The following PDCD6IP variants were observed in gnomAD, a reference collection of about 807,000 sequenced individuals.
The protein encoded by PDCD6IP is programmed cell death 6-interacting protein.
Under a neutral mutation model 103.7 loss-of-function variants are expected in PDCD6IP, and 43 were observed. The observed-to-expected ratio is 0.41, with a 90% CI of 0.32 to 0.53. The LOEUF is 0.53. PDCD6IP is among the 20% of genes least tolerant of loss of function. PDCD6IP has a pLI of 0.16. For missense variants in PDCD6IP, 871 were observed against 1,036.7 expected, an observed-to-expected ratio of 0.84 and a Z score of 2.20; for synonymous variants, 354 against 378.7, an observed-to-expected ratio of 0.93 and a Z score of 0.76.
At chr3:33,813,672 A>G (rs1387249075) in intron 3 of PDCD6IP, 44 bp downstream of exon 3, 1 of 1,086,030 alleles carries the variant, frequency 9.2e-7, no homozygotes, top group African/African-American at 1.6e-5. Flanking sequence ...TGGTCTAACT[A>G]CTTTGCATTG....
chr3:33,799,413 A>C (rs918648784), intron 1 of PDCD6IP: 1 of 154,946 alleles, frequency 6.5e-6, no homozygotes, highest in South Asian at 2.0e-4. Flanking sequence ...AGCTCATCAC[A>C]TTGTCCACAT....
intron 12 of PDCD6IP, among the ~76,000 whole-genome samples, chr3:33,846,534 C>T (rs368833650): frequency 6.6e-6 from 1 of 152,168 alleles, no homozygotes; most frequent in Admixed American, 6.5e-5. Context: ...AAGTATGTTA[C>T]GAGGATTTAG....
At chr3:33,859,198 A>G (rs1697895552) in intron 15 of PDCD6IP, among the ~76,000 whole-genome samples, 1 of 152,206 alleles carries the variant, frequency 6.6e-6, no homozygotes. Context: ...TTTAGAAAAT[A>G]AAAGTTATCT....
At position 33,852,665 on chromosome 3, in the gene PDCD6IP, G is replaced by C. The variant is rs1222177556; in HGVS notation, c.1819G>C (p.Val607Leu). The C allele has an allele frequency of 2.5e-6, 4 of 1,595,112 alleles. No individual in the cohort carries two copies. The highest frequency in any genetic ancestry group is 1.8e-5 in the Admixed American group (1 of 54,442). The change falls in exon 13 of 18, where the codon GTC (valine) becomes CTC (leucine). Residue 607 changes from valine to leucine, a missense_variant. Coordinates refer to ENST00000307296, the MANE Select transcript of PDCD6IP (RefSeq NM_013374.6). Reference sequence around the variant, plus strand: ...TCTTTCTGTTACTGAACTAGATCGAGTCTATGGAGGTCTTACAACTAAAGT... The same window carrying C: ...TCTTTCTGTTACTGAACTAGATCGACTCTATGGAGGTCTTACAACTAAAGT... ...EALSVTELDR[V>L]YGGLTTKVQE... is the part of the protein sequence containing the mutation.
intron 13 of PDCD6IP, 145 bp downstream of exon 13, chr3:33,852,881 A>G: frequency 2.8e-6 from 3 of 1,053,774 alleles, no homozygotes; most frequent in African/African-American, 3.3e-5. Context: ...ATTTTGTAAA[A>G]TTAAACTTGG....
rs1697748210 is a variant in PDCD6IP at position 33,852,822 on chromosome 3, A to G, written c.1890+86A>G. On this transcript the variant is annotated intron_variant, in intron 13 of 17. Transcript: ENST00000307296. ...ACTAAACCTATATTCAGTTAGGAAA[A>G]TGACATTGGAGAATATCTGTAGTTA... The G allele has an allele frequency of 7.1e-6, 10 of 1,413,070 alleles. No individual in the cohort carries two copies. In the African/African-American group the frequency reaches 1.0e-4, roughly 15 times the overall value. The allele number at this position is 1,413,070 out of a possible 1,614,324, so 87.5% of individuals were successfully genotyped here.
rs1461371495 is a variant in PDCD6IP at position 33,798,951 on chromosome 3, T to TG, written c.209+17dup. The TG allele has an allele frequency of 6.6e-7, 1 of 1,516,562 alleles. No individual in the cohort carries two copies. Among genetic ancestry groups the TG allele is most frequent in the Non-Finnish European group, 8.9e-7 (1 of 1,123,360 alleles). 93.9% of individuals were successfully genotyped at this position (1,516,562 alleles called of 1,614,324 possible). A position where few individuals can be genotyped will look rare whatever the true frequency, so the allele number is the denominator to read the frequency against. ...GACGCTCCTGAGGTGGGCGCGGGGCTGGGAGTGGGTAGGTTGTCTGCCAGC... is the reference window on the plus strand; with the variant it reads ...GACGCTCCTGAGGTGGGCGCGGGGCTGGGGAGTGGGTAGGTTGTCTGCCAGC... On this transcript the variant is annotated intron_variant, in intron 1 of 17. Transcript: ENST00000307296.
chr3:33,844,005 C>A (rs1697533290), intron 10 of PDCD6IP, 107 bp from the exon 11 acceptor site: 1 of 638,596 alleles, frequency 1.6e-6, no homozygotes, highest in South Asian at 2.1e-5. Flanking sequence ...CCTAGTATTC[C>A]CATCTCACCA....
chr3:33,808,312 G>C (rs1696641043), intron 1 of PDCD6IP, among the ~76,000 whole-genome samples: 1 of 152,122 alleles, frequency 6.6e-6, no homozygotes, highest in African/African-American at 2.4e-5. Context: ...TTCACGCCAT[G>C]GCCCATCCTG....
chr3:33,863,388 C>A (rs889288878), intron 15 of PDCD6IP, among the ~76,000 whole-genome samples: 2 of 152,166 alleles, frequency 1.3e-5, no homozygotes, highest in African/African-American at 4.8e-5. Context: ...TTCTCTCTGA[C>A]TGTATTTTTG....
At chr3:33,865,466 A>G (rs770980768) in intron 17 of PDCD6IP, 36 bp downstream of exon 17, 2 of 1,542,954 alleles carry the variant, frequency 1.3e-6, no homozygotes, top group Middle Eastern at 1.8e-4. Flanking sequence ...AAGTTGGCTA[A>G]TGTTGTTTCT....
chr3:33,829,080 C>T (rs1293549266), intron 7 of PDCD6IP, 111 bp downstream of exon 7: 2 of 673,770 alleles, frequency 3.0e-6, no homozygotes, highest in Non-Finnish European at 4.5e-6. Flanking sequence ...TCACCCCTAT[C>T]AGCAGGGACA....
At chr3:33,813,373 G>A (rs1696760388) in intron 2 of PDCD6IP, 186 bp from the exon 3 acceptor site, 1 of 479,520 alleles carries the variant, frequency 2.1e-6, no homozygotes, top group Admixed American at 3.8e-5. Flanking sequence ...ATATCCCAGT[G>A]CCAGTATTTT....
intron 8 of PDCD6IP, 59 bp downstream of exon 8, chr3:33,836,325 C>T (rs933380507): frequency 5.2e-6 from 5 of 967,880 alleles, no homozygotes; most frequent in African/African-American, 1.6e-5. Context: ...CTCTGTTTTT[C>T]CTAGCTAAAA....
chr3:33,830,748 T>C (rs1697227575), intron 7 of PDCD6IP, among the ~76,000 whole-genome samples: 1 of 152,154 alleles, frequency 6.6e-6, no homozygotes, highest in Non-Finnish European at 1.5e-5. Flanking sequence ...CTGATCCATA[T>C]TTCAGAGGAC....
At chr3:33,836,881 A>G (rs1464559524) in intron 8 of PDCD6IP, among the ~76,000 whole-genome samples, 1 of 151,506 alleles carries the variant, frequency 6.6e-6, no homozygotes, top group Non-Finnish European at 1.5e-5. Context: ...ATAAATAAAT[A>G]AAATAAATAT....
intron 15 of PDCD6IP, 151 bp from the exon 16 acceptor site, chr3:33,863,855 G>C: frequency 3.2e-6 from 2 of 628,200 alleles, no homozygotes; most frequent in Middle Eastern, 3.7e-4. Context: ...CATAGTCACT[G>C]TACTAATTTG....
intron 1 of PDCD6IP, 172 bp downstream of exon 1, chr3:33,799,109 G>A: frequency 1.5e-6 from 1 of 660,728 alleles, no homozygotes; most frequent in Non-Finnish European, 2.5e-6. Context: ...GACCCGCCCT[G>A]CAGGCCCGCT....
At chr3:33,821,308 C>A (rs1260013997) in intron 3 of PDCD6IP, among the ~76,000 whole-genome samples, 1 of 152,070 alleles carries the variant, frequency 6.6e-6, no homozygotes, top group African/African-American at 2.4e-5. Context: ...CCATGCCCAA[C>A]CACGAGTTTG....
Sources: allele counts gnomAD v4.1 joint callset (sites outside exome capture counted in the v4.1 genomes callset), GRCh38; gene constraint gnomAD v4.1.1; transcripts MANE v1.5; gene names NCBI Gene and HGNC (gene_info 2026-07-23, HGNC 2026-07-21).